The following GTF2A1L variants were observed in gnomAD, a reference collection of about 807,000 sequenced individuals.
GTF2A1L encodes the protein general transcription factor IIA subunit 1 like.
Under a neutral mutation model 49.7 loss-of-function variants are expected in GTF2A1L, and 48 were observed. That is an observed-to-expected ratio of 0.97 (90% CI 0.77 to 1.23). The LOEUF (loss-of-function observed/expected upper bound fraction) is 1.23. Ranked by LOEUF, GTF2A1L falls within the 50% of genes most tolerant of loss-of-function variation. The pLI is 0.00. For missense variants in GTF2A1L, 736 were observed against 564.8 expected, an observed-to-expected ratio of 1.30 and a Z score of -3.07; for synonymous variants, 246 against 193.5, an observed-to-expected ratio of 1.27 and a Z score of -2.25.
At chr2:48,659,619 C>T (rs1678376932) in intron 6 of GTF2A1L, among the ~76,000 whole-genome samples, 1 of 151,872 alleles carries the variant, frequency 6.6e-6, no homozygotes, top group Non-Finnish European at 1.5e-5. Context: ...GGTGTCTTTC[C>T]ATTGATTTTT....
In GTF2A1L at chr2:48,619,343, G is replaced by A. The variant is rs145725260; in HGVS notation, c.21+1448G>A. On this transcript the variant is annotated intron_variant, in intron 1 of 8. Coordinates refer to ENST00000403751, the MANE Select transcript of GTF2A1L (RefSeq NM_006872.5). ...AAATTAGCCAGGTGAGGTCGTGCACGCCTGTAGTGCCAGCTACTCTGGATG... is the reference window on the plus strand; with the variant it reads ...AAATTAGCCAGGTGAGGTCGTGCACACCTGTAGTGCCAGCTACTCTGGATG... Among the ~76,000 whole-genome samples, 1,067 of 151,976 alleles carry A rather than the reference G, an allele frequency of 7.0e-3. 12 individuals carry two copies. The highest frequency in any genetic ancestry group is 0.025 in the African/African-American group (1,017 of 41,410).
intron 6 of GTF2A1L, among the ~76,000 whole-genome samples, chr2:48,665,188 C>G (rs1010291917): frequency 3.9e-5 from 6 of 152,062 alleles, no homozygotes; most frequent in Admixed American, 1.3e-4. Flanking sequence ...TCCTAAAGTG[C>G]TGGGATTACG....
chr2:48,660,156 G>C (rs1203703354), intron 6 of GTF2A1L, among the ~76,000 whole-genome samples: 1 of 151,958 alleles, frequency 6.6e-6, no homozygotes, highest in African/African-American at 2.4e-5. Context: ...CCATGGTGTA[G>C]GATTCCTGTA....
chr2:48,663,176 G>T (rs1678618976), intron 6 of GTF2A1L, among the ~76,000 whole-genome samples: 1 of 152,144 alleles, frequency 6.6e-6, no homozygotes, highest in African/African-American at 2.4e-5. Flanking sequence ...GCTCATACCT[G>T]TAATCCCAGT....
intron 6 of GTF2A1L, among the ~76,000 whole-genome samples, chr2:48,661,247 C>CTTTTTTTTTTTT (rs70946820): frequency 3.2e-5 from 2 of 62,750 alleles, no homozygotes; most frequent in African/African-American, 1.5e-4. Context: ...CATCCCCAAA[C>CTTTTTTTTTTTT]TTTTTTTTTT....
chr2:48,666,698 G>T (rs979547174), intron 6 of GTF2A1L, among the ~76,000 whole-genome samples: 3 of 151,722 alleles, frequency 2.0e-5, no homozygotes, highest in Non-Finnish European at 4.4e-5. Context: ...ATCTACTGAT[G>T]ACCCCTTCAC....
chr2:48,672,733 G>A (rs1679239220), intron 8 of GTF2A1L, among the ~76,000 whole-genome samples: 2 of 152,158 alleles, frequency 1.3e-5, no homozygotes, highest in Admixed American at 6.5e-5. Context: ...GGGAGTTTTT[G>A]TCCTTAATTC....
At chr2:48,645,806 G>A (rs1372271135) in intron 5 of GTF2A1L, among the ~76,000 whole-genome samples, 3 of 152,048 alleles carry the variant, frequency 2.0e-5, no homozygotes, top group Non-Finnish European at 4.4e-5. Flanking sequence ...CGGCCACCAC[G>A]CCCGGCTAAT....
rs1048752763 is a variant in GTF2A1L at position 48,669,640 on chromosome 2, T to C, written c.979-82T>C. ...TTGCTTGAACTGACCATTTGTGGAA[T>C]GTTTGTTAATTTTAAATTTGGATTC... On this transcript the variant is annotated intron_variant, in intron 6 of 8. Transcript: ENST00000403751. 8 of 1,489,050 alleles carry C rather than the reference T, an allele frequency of 5.4e-6. No homozygotes were observed. The African/African-American group carries it at 5.6e-5, about 10-fold the overall frequency. 92.2% of individuals were successfully genotyped at this position (1,489,050 alleles called of 1,614,324 possible). A position where few individuals can be genotyped will look rare whatever the true frequency, so the allele number is the denominator to read the frequency against.
chr2:48,645,939 C>T (rs569381404), intron 5 of GTF2A1L, among the ~76,000 whole-genome samples: 105 of 148,950 alleles, frequency 7.0e-4, no homozygotes, highest in Middle Eastern at 3.5e-3. Context: ...TGAGCCACCG[C>T]GCCTGGCCTT....
chr2:48,628,465 C>T (rs1676410000), intron 3 of GTF2A1L, among the ~76,000 whole-genome samples: 1 of 144,012 alleles, frequency 6.9e-6, no homozygotes, highest in Non-Finnish European at 1.6e-5. Flanking sequence ...TTGTATTTCT[C>T]TGGTGATTAG....
At chr2:48,635,335 G>C (rs1254307112) in intron 3 of GTF2A1L, among the ~76,000 whole-genome samples, 1 of 152,174 alleles carries the variant, frequency 6.6e-6, no homozygotes, top group African/African-American at 2.4e-5. Flanking sequence ...CCTGGGCATG[G>C]AGTGGAGATG....
Position 48,634,362 on chromosome 2 carries a change from C to T in GTF2A1L, c.248-8040C>T, listed in dbSNP as rs535760670. Among the ~76,000 whole-genome samples the T allele has an allele frequency of 4.6e-5, 7 of 152,252 alleles. No homozygotes were observed. The South Asian group carries it at 6.2e-4, about 14-fold the overall frequency. ...CTTACCTCAAGTGATCTGCCTGCCT[C>T]GGCCTCCCAAAGTGTTGGGATTACA... On this transcript the variant is annotated intron_variant, in intron 3 of 8. Coordinates refer to ENST00000403751, the MANE Select transcript of GTF2A1L (RefSeq NM_006872.5).
At chr2:48,672,817 C>T (rs1558775212) in intron 8 of GTF2A1L, among the ~76,000 whole-genome samples, 1 of 152,128 alleles carries the variant, frequency 6.6e-6, no homozygotes, top group Non-Finnish European at 1.5e-5. Context: ...TTAAAGTATA[C>T]AATTCAATGG....
intron 3 of GTF2A1L, among the ~76,000 whole-genome samples, chr2:48,621,705 G>A (rs1676007375): frequency 6.6e-6 from 1 of 152,076 alleles, no homozygotes. Context: ...GATATATTGG[G>A]AGCAAAATGG....
At chr2:48,619,611 T>C (rs1227849655) in intron 1 of GTF2A1L, among the ~76,000 whole-genome samples, 1 of 152,144 alleles carries the variant, frequency 6.6e-6, no homozygotes, top group African/African-American at 2.4e-5. Context: ...AGTGCCACAA[T>C]TTTCATTTTG....
chr2:48,668,829 C>T (rs1364815939), intron 6 of GTF2A1L, among the ~76,000 whole-genome samples: 8 of 139,324 alleles, frequency 5.7e-5, no homozygotes, highest in Admixed American at 4.8e-4. Context: ...AGCGAGACCC[C>T]GCCTCAAAAA....
At chr2:48,643,831 C>G (rs547501976) in intron 4 of GTF2A1L, among the ~76,000 whole-genome samples, 1 of 150,640 alleles carries the variant, frequency 6.6e-6, no homozygotes, top group Non-Finnish European at 1.5e-5. Flanking sequence ...TCCCGAGTAA[C>G]GAGATTACAG....
intron 7 of GTF2A1L, among the ~76,000 whole-genome samples, chr2:48,670,855 G>T (rs1477107861): frequency 3.3e-5 from 5 of 152,066 alleles, no homozygotes; most frequent in Non-Finnish European, 7.4e-5. Context: ...ACAGGGTCTT[G>T]CTCTGTTGCC....
Sources: gnomAD v4.1 joint callset for allele counts (sites outside exome capture counted in the v4.1 genomes callset) on GRCh38, gnomAD v4.1.1 for gene constraint, MANE v1.5 for transcripts, NCBI Gene and HGNC (gene_info 2026-07-23, HGNC 2026-07-21) for gene names.